The following CYP3A4 variants were observed in gnomAD, a reference collection of about 807,000 sequenced individuals.
CYP3A4 encodes the protein cytochrome P450 family 3 subfamily A member 4, also known as cytochrome P450 3A4.
A neutral mutation model predicts 54.9 loss-of-function variants in CYP3A4; 41 were observed. That is an observed-to-expected ratio of 0.75 (90% confidence interval 0.58 to 0.97). CYP3A4 has a LOEUF of 0.97. Ranked by LOEUF, CYP3A4 falls within the 50% of genes least tolerant of loss-of-function variation. The probability of loss-of-function intolerance (pLI) is 0.00; values close to 1 mark genes in which losing one functional copy is unlikely to be tolerated. For missense variants in CYP3A4, 510 were observed against 597.3 expected (o/e 0.85, Z 1.52); for synonymous variants, 179 against 205.2 (o/e 0.87, Z 1.09).
At chr7:99,760,763 C>T in intron 12 of CYP3A4, 56 bp downstream of exon 12, 1 of 1,583,108 alleles carries the variant, frequency 6.3e-7, no homozygotes, top group Non-Finnish European at 8.6e-7. Context: ...AAAATACAGA[C>T]CACTCAGTTA....
At chr7:99,770,707 TA>T in intron 4 of CYP3A4, among the ~76,000 whole-genome samples, 1 of 152,000 alleles carries the variant, frequency 6.6e-6, no homozygotes, top group South Asian at 2.1e-4. Flanking sequence ...GTGATGGTTT[TA>T]AAAAAAATAG....
chr7:99,776,540 C>G (rs1197159153), intron 3 of CYP3A4, among the ~76,000 whole-genome samples: 1 of 152,078 alleles, frequency 6.6e-6, no homozygotes, highest in Non-Finnish European at 1.5e-5. Flanking sequence ...ATGTCCTTTG[C>G]AGGGACAAGG....
chr7:99,764,081 G>A (rs2151555845), intron 9 of CYP3A4, 66 bp from the exon 10 acceptor site: 3 of 1,606,338 alleles, frequency 1.9e-6, no homozygotes, highest in South Asian at 2.2e-5. Flanking sequence ...TTTAGATGAA[G>A]AGAAATCTAA....
chr7:99,763,133 C>T (rs553188382), intron 10 of CYP3A4, among the ~76,000 whole-genome samples: 15 of 152,276 alleles, frequency 9.9e-5, no homozygotes, highest in African/African-American at 3.4e-4. Flanking sequence ...CTGAGTCAGC[C>T]TGCACAGCAC....
intron 6 of CYP3A4, 60 bp from the exon 7 acceptor site, chr7:99,768,562 G>A: frequency 1.2e-6 from 2 of 1,611,232 alleles, no homozygotes; most frequent in Admixed American, 1.7e-5. Flanking sequence ...CTTCCTCTAT[G>A]CATGCAACAG....
At chr7:99,769,665 G>C (rs1035064440) in intron 6 of CYP3A4, 103 bp downstream of exon 6, 72 of 1,386,690 alleles carry the variant, frequency 5.2e-5, no homozygotes, top group Non-Finnish European at 7.1e-5. Flanking sequence ...CCCTCCTTTT[G>C]TCTGGTCACT....
At chr7:99,771,386 T>A (rs1293273109) in intron 4 of CYP3A4, among the ~76,000 whole-genome samples, 1 of 152,102 alleles carries the variant, frequency 6.6e-6, no homozygotes, top group Non-Finnish European at 1.5e-5. Flanking sequence ...AAAAATGAAA[T>A]AATTTAGCTG....
At chr7:99,779,572 G>C (rs556503694) in intron 2 of CYP3A4, among the ~76,000 whole-genome samples, 116 of 152,276 alleles carry the variant, frequency 7.6e-4, no homozygotes, top group African/African-American at 2.5e-3. Flanking sequence ...GGCTACTCAA[G>C]AGCTCTTGCT....
rs1238352523 is a variant in CYP3A4, at chr7:99,778,023, C to T, written c.218+5G>A. ...CTATCCAATGGAAGTTTCCAGAATA[C>T]TCACCCCCACACTTTTCCATACTTT... On this transcript the variant is annotated splice_donor_5th_base_variant and intron_variant, in intron 3 of 12. Transcript: ENST00000651514. 2 of 1,611,954 alleles carry T rather than the reference C, an allele frequency of 1.2e-6. No homozygotes were observed. Among genetic ancestry groups the T allele is most frequent in the Non-Finnish European group, 8.5e-7 (1 of 1,178,164 alleles).
At chr7:99,766,963 C>A in intron 8 of CYP3A4, 168 bp downstream of exon 8, 1 of 571,860 alleles carries the variant, frequency 1.7e-6, no homozygotes, top group Non-Finnish European at 2.9e-6. Flanking sequence ...TTCCCCAAAC[C>A]CCACTTTCTG....
chr7:99,778,103 A>G, intron 2 of CYP3A4, 23 bp from the exon 3 acceptor site: 1 of 1,584,982 alleles, frequency 6.3e-7, no homozygotes, highest in Non-Finnish European at 8.7e-7. Context: ...ACAAAATAAT[A>G]TTTGATTATT....
chr7:99,774,150 T>C (rs1433253018), intron 3 of CYP3A4, among the ~76,000 whole-genome samples: 1 of 152,028 alleles, frequency 6.6e-6, no homozygotes, highest in African/African-American at 2.4e-5. Context: ...CAGGAAGAAG[T>C]TGAATCTCTG....
chr7:99,768,402 T>A lies in CYP3A4; in HGVS notation c.622A>T (p.Lys208Ter). 1.9e-6 allele frequency: 3 copies of A among 1,614,050 alleles called. No homozygotes were observed. Among genetic ancestry groups the A allele is most frequent in the Non-Finnish European group, 2.5e-6 (3 of 1,179,952 alleles). Residue 208 changes from lysine to a stop codon, truncating the protein, a stop_gained, in exon 7 of 13, where the codon AAG (lysine) becomes TAG (stop). Coordinates refer to ENST00000651514, the MANE Select transcript of CYP3A4 (RefSeq NM_017460.6). LOFTEE classifies it high-confidence loss of function. ...NPQDPFVENT[K>*]KLLRFDFLDP... is the part of the protein sequence containing the mutation. ...AAAAAATCAAATCTTAAAAGCTTCT[T>A]GGTGTTTTCCACAAAGGGGTCTTGT...
chr7:99,773,642 A>G (rs1815688306), intron 3 of CYP3A4, among the ~76,000 whole-genome samples: 1 of 152,208 alleles, frequency 6.6e-6, no homozygotes, highest in South Asian at 2.1e-4. Context: ...TGTTCTATGA[A>G]ACCAATGAGA....
At chr7:99,768,133 G>T (rs1815521727) in intron 7 of CYP3A4, among the ~76,000 whole-genome samples, 1 of 152,176 alleles carries the variant, frequency 6.6e-6, no homozygotes. Context: ...TGATGACAGG[G>T]TTTGTGACAG....
chr7:99,769,785 C>G lies in CYP3A4; in HGVS notation c.504G>C (p.Lys168Asn), dbSNP rs568779023. ...CTACTTACTCTTTCAAGGTGACAGG[C>G]TTGCCTGTCTCTGCTTCCCGCCTCA... ...RNLRREAETG[K>N]PVTLKDVFGA... The change falls in exon 6 of 13, where the codon AAG becomes AAC. Residue 168 changes from lysine to asparagine, a missense_variant. Around this residue, in one of 2 missense-constraint regions of CYP3A4, gnomAD observed 272 missense variants for 274.9 expected, o/e 0.99. Transcript: ENST00000651514. 9.2e-5 allele frequency: 148 copies of G among 1,613,952 alleles called. 3 individuals are homozygous for G. In the South Asian group the frequency reaches 1.4e-3, roughly 15 times the overall value.
At position 99,764,050 on chromosome 7, in the gene CYP3A4, G is replaced by C. The variant is rs773937044; in HGVS notation, c.866-35C>G. On this transcript the variant is annotated intron_variant, in intron 9 of 12. Transcript: ENST00000651514. ...GAGGAAAGACATTTTAGGTAAATCAGATCAATGTAGGGCATCACAGTTTAG... is the reference window on the plus strand; with the variant it reads ...GAGGAAAGACATTTTAGGTAAATCACATCAATGTAGGGCATCACAGTTTAG... The C allele has an allele frequency of 1.9e-6, 3 of 1,613,236 alleles. No individual in the cohort carries two copies. In the Admixed American group the frequency reaches 5.0e-5, roughly 27 times the overall value.
At chr7:99,783,637 C>G (rs1815983936) in intron 1 of CYP3A4, among the ~76,000 whole-genome samples, 1 of 141,952 alleles carries the variant, frequency 7.0e-6, no homozygotes, top group South Asian at 2.2e-4. Flanking sequence ...TTGAGACAGC[C>G]TCACTCTGTC....
At chr7:99,781,936 G>A (rs1285185313) in intron 1 of CYP3A4, among the ~76,000 whole-genome samples, 1 of 152,230 alleles carries the variant, frequency 6.6e-6, no homozygotes, top group East Asian at 1.9e-4. Flanking sequence ...GTGATAATAT[G>A]TGGTAAAATA....
Sources: gnomAD v4.1 joint callset for allele counts (sites outside exome capture counted in the v4.1 genomes callset) on GRCh38, gnomAD v4.1.1 for gene constraint, gnomAD v4.1.1 regional missense constraint, MANE v1.5 for transcripts, NCBI Gene and HGNC (gene_info 2026-07-23, HGNC 2026-07-21) for gene names.